The following SNX29 variants were observed in gnomAD, a reference collection of about 807,000 sequenced individuals.
SNX29 encodes the protein sorting nexin-29.
SNX29 carries 78 observed loss-of-function variants against 102.1 expected under a neutral mutation model. The ratio of observed to expected loss-of-function variants is 0.76; its 90% CI spans 0.64 to 0.92. The LOEUF is 0.92. SNX29 is among the 40% of genes least tolerant of loss of function. SNX29 has a pLI of 0.00. For synonymous variants in SNX29, 580 were observed against 414.5 expected, an observed-to-expected ratio of 1.40 and a Z score of -4.85; for missense variants, 1,280 against 1,061.7, an observed-to-expected ratio of 1.21 and a Z score of -2.86.
At chr16:12,245,366 A>G (rs376129794) in intron 14 of SNX29, among the ~76,000 whole-genome samples, 6 of 152,148 alleles carry the variant, frequency 3.9e-5, no homozygotes, top group African/African-American at 1.4e-4. Flanking sequence ...GTGACAGGTT[A>G]TGTAAAGCGC....
intron 19 of SNX29, among the ~76,000 whole-genome samples, chr16:12,482,379 G>A (rs942488549): frequency 2.6e-5 from 4 of 151,514 alleles, no homozygotes; most frequent in South Asian, 2.1e-4. Context: ...GTAGCTCACC[G>A]CAGCCTCAAA....
chr16:12,170,153 C>T (rs2076112141), intron 13 of SNX29, among the ~76,000 whole-genome samples: 1 of 151,936 alleles, frequency 6.6e-6, no homozygotes. Flanking sequence ...CAGATGTTGC[C>T]CAGTGTCCCC....
rs1460270300 is a variant in SNX29, at chr16:12,571,499, C to T, written c.*2870C>T. The T allele has an allele frequency of 2.3e-6, 1 of 441,474 alleles. No individual in the cohort carries two copies. Among genetic ancestry groups the T allele is most frequent in the Admixed American group, 5.6e-5 (1 of 17,952 alleles). 27.3% of individuals were successfully genotyped at this position (441,474 alleles called of 1,614,324 possible). ...CTACTCAGAGAGGAACGAGGGTGGC[C>T]CACCTCTCAAGGGCCTTGGATTCCT... On this transcript the variant is annotated 3_prime_UTR_variant, in exon 21 of 21. Transcript: ENST00000566228.
intron 16 of SNX29, among the ~76,000 whole-genome samples, chr16:12,364,211 AT>A (rs1161939768): frequency 1.7e-3 from 258 of 150,634 alleles, no homozygotes; most frequent in African/African-American, 5.8e-3. Context: ...ATGTTATGTT[AT>A]GTTATTTTTG....
At chr16:12,393,392 T>TCATTCATGCATG (rs2083602473) in intron 16 of SNX29, among the ~76,000 whole-genome samples, 1 of 141,910 alleles carries the variant, frequency 7.0e-6, no homozygotes, top group Non-Finnish European at 1.6e-5. Flanking sequence ...ATTCATTCAT[T>TCATTCATGCATG]CATGCATGCA....
chr16:12,107,992 C>G (rs963804546), intron 11 of SNX29, among the ~76,000 whole-genome samples: 1 of 151,564 alleles, frequency 6.6e-6, no homozygotes, highest in East Asian at 1.9e-4. Flanking sequence ...AATGAGACTT[C>G]GAAATTTATT....
At position 12,061,781 on chromosome 16, in the gene SNX29, G is replaced by C. The variant is rs2050786696; in HGVS notation, c.1243+135G>C. The C allele has an allele frequency of 5.7e-6, 4 of 704,056 alleles. No homozygotes were observed. In the South Asian group the frequency reaches 7.3e-5, roughly 13 times the overall value. 43.6% of individuals were successfully genotyped at this position (704,056 alleles called of 1,614,324 possible). A position where few individuals can be genotyped will look rare whatever the true frequency, so the allele number is the denominator to read the frequency against. The stretch of plus-strand genomic sequence containing the variant: ...GAGTCGGGGTGTGGTTCAGGGCCAG[G>C]GGGAGCTCACTGAGATGCAGAAGTG... On this transcript the variant is annotated intron_variant, in intron 9 of 20. Transcript: ENST00000566228.
At chr16:12,394,173 C>T (rs2083637449) in intron 16 of SNX29, among the ~76,000 whole-genome samples, 1 of 152,216 alleles carries the variant, frequency 6.6e-6, no homozygotes, top group African/African-American at 2.4e-5. Flanking sequence ...CCCAGTTGTG[C>T]ATCTGTATAT....
intron 4 of SNX29, among the ~76,000 whole-genome samples, chr16:12,031,105 C>T (rs2057329389): frequency 6.6e-6 from 1 of 151,880 alleles, no homozygotes; most frequent in Non-Finnish European, 1.5e-5. Flanking sequence ...CAATGTCTTG[C>T]TCTGTCGCCC....
chr16:12,457,458 G>C (rs940773988), intron 18 of SNX29, among the ~76,000 whole-genome samples: 12 of 152,196 alleles, frequency 7.9e-5, no homozygotes, highest in Non-Finnish European at 1.6e-4. Context: ...AGATACGGCA[G>C]GTCTCAAGAA....
At chr16:12,556,925 T>C (rs1234786931) in intron 20 of SNX29, among the ~76,000 whole-genome samples, 1 of 115,072 alleles carries the variant, frequency 8.7e-6, no homozygotes, top group Non-Finnish European at 1.8e-5. Flanking sequence ...TGATCTCGGC[T>C]CACTACAGCC....
chr16:12,339,429 G>C lies in SNX29; in HGVS notation c.1783-16734G>C, dbSNP rs184818403. ...TAGTGAGTTTCTTGTGAGTGGAGGT[G>C]TTGAAGCAGAAACTGGGCAGTTACT... On this transcript the variant is annotated intron_variant, in intron 15 of 20. Coordinates refer to ENST00000566228, the MANE Select transcript of SNX29 (RefSeq NM_032167.5). 4.0e-5 allele frequency among the ~76,000 whole-genome samples: 6 copies of C among 149,848 alleles called. No individual in the cohort carries two copies. In the East Asian group the frequency reaches 1.2e-3, roughly 30 times the overall value.
At chr16:12,353,490 C>T (rs7200680) in intron 15 of SNX29, among the ~76,000 whole-genome samples, 2,844 of 141,120 alleles carry the variant, frequency 0.02, 93 homozygotes, top group African/African-American at 0.086. Flanking sequence ...ATTTCATAGA[C>T]GCACAGCCAC....
intron 16 of SNX29, among the ~76,000 whole-genome samples, chr16:12,360,550 C>T (rs1045573494): frequency 6.6e-6 from 1 of 152,088 alleles, no homozygotes; most frequent in Non-Finnish European, 1.5e-5. Flanking sequence ...TCAGGAGGCT[C>T]ATAAATGTTG....
rs548024860 is a variant in SNX29 at position 12,548,422 on chromosome 16, A to C, written c.2319-20084A>C. 2.6e-3 allele frequency among the ~76,000 whole-genome samples: 400 copies of C among 152,206 alleles called. 1 individual carries two copies. The highest frequency in any genetic ancestry group is 9.4e-3 in the African/African-American group (391 of 41,522). On this transcript the variant is annotated intron_variant, in intron 20 of 20. Coordinates refer to ENST00000566228, the MANE Select transcript of SNX29 (RefSeq NM_032167.5). Reference sequence around the variant, plus strand: ...CTTTGTAACCTACCTCTGGCTCCCCACTGTGCCACATCCCTGTACCATGGC... The same window carrying C: ...CTTTGTAACCTACCTCTGGCTCCCCCCTGTGCCACATCCCTGTACCATGGC...
At chr16:12,199,747 C>A in intron 14 of SNX29, 64 bp downstream of exon 14, 1 of 1,332,200 alleles carries the variant, frequency 7.5e-7, no homozygotes, top group Non-Finnish European at 1.1e-6. Context: ...CTGTACGTGG[C>A]ACGCAATAGA....
At position 12,262,069 on chromosome 16, in the gene SNX29, C is replaced by T. The variant is rs141204792; in HGVS notation, c.1679-15864C>T. ...GGCTGGAGTGAGTGTTTGCTGAGCT[C>T]GGGTCTGTGCGCGCGTCCCCGGCTG... On this transcript the variant is annotated intron_variant, in intron 14 of 20. Transcript: ENST00000566228. 3.5e-3 allele frequency among the ~76,000 whole-genome samples: 520 copies of T among 147,810 alleles called. 10 individuals are homozygous for T. The highest frequency in any genetic ancestry group is 7.2e-3 in the Middle Eastern group (2 of 278).
intron 20 of SNX29, among the ~76,000 whole-genome samples, chr16:12,564,011 A>C (rs1026588627): frequency 2.0e-5 from 3 of 152,048 alleles, no homozygotes; most frequent in African/African-American, 7.2e-5. Context: ...CTCTTCCCCC[A>C]GGGTAGGGAG....
chr16:12,286,042 C>A (rs1390054914), intron 15 of SNX29, among the ~76,000 whole-genome samples: 1 of 151,956 alleles, frequency 6.6e-6, no homozygotes, highest in Non-Finnish European at 1.5e-5. Flanking sequence ...AGGGTTTCAC[C>A]GTATTGGCCA....
Sources: gnomAD v4.1 joint callset for allele counts (sites outside exome capture counted in the v4.1 genomes callset) on GRCh38, gnomAD v4.1.1 for gene constraint, MANE v1.5 for transcripts, NCBI Gene and HGNC (gene_info 2026-07-23, HGNC 2026-07-21) for gene names.